SUPT3H: variants seen among roughly 807,000 people sequenced by gnomAD.
SUPT3H encodes the protein SPT3 homolog, SAGA and STAGA complex component.
Under a neutral mutation model 44.3 loss-of-function variants are expected in SUPT3H, and 44 were observed. The ratio of observed to expected loss-of-function variants is 0.99; its 90% CI spans 0.78 to 1.28. SUPT3H has a LOEUF of 1.28. SUPT3H is among the 50% of genes most tolerant of loss of function. The pLI, the probability that SUPT3H is intolerant of heterozygous loss-of-function variation, is 0.00. For missense variants in SUPT3H, 380 were observed against 387.1 expected (o/e 0.98, Z 0.15); for synonymous variants, 124 against 125.6 (o/e 0.99, Z 0.09).
rs1054508805 is a variant in SUPT3H at position 44,851,917 on chromosome 6, C to A, written c.913-22060G>T. Among the ~76,000 whole-genome samples the A allele has an allele frequency of 2.0e-5, 3 of 152,022 alleles. 1 individual carries two copies. Among genetic ancestry groups the A allele is most frequent in the African/African-American group, 4.8e-5 (2 of 41,372 alleles). On this transcript the variant is annotated intron_variant, in intron 10 of 10. Coordinates refer to ENST00000371459, the MANE Select transcript of SUPT3H (RefSeq NM_003599.4). ...ACTTACATCATTTTGACTTGTCAGG[C>A]CTTTTCCAGGAACTTAGTCTGCCAA...
At chr6:45,365,966 T>C (rs1369616040) in intron 1 of SUPT3H, among the ~76,000 whole-genome samples, 1 of 152,108 alleles carries the variant, frequency 6.6e-6, no homozygotes, top group Non-Finnish European at 1.5e-5. Context: ...TGATGCATAA[T>C]GATAAAGTGG....
intron 2 of SUPT3H, among the ~76,000 whole-genome samples, chr6:45,140,799 C>A (rs1436219839): frequency 1.3e-5 from 2 of 152,122 alleles, no homozygotes; most frequent in Non-Finnish European, 2.9e-5. Flanking sequence ...CCCAGAAGAG[C>A]AGTAACAGTC....
chr6:45,325,042 A>T (rs1388514753), intron 2 of SUPT3H, among the ~76,000 whole-genome samples: 6 of 151,954 alleles, frequency 3.9e-5, no homozygotes, highest in African/African-American at 1.4e-4. Flanking sequence ...ATCCAAAAAA[A>T]AGAAAAATTG....
chr6:45,192,082 G>A (rs1271386601), intron 2 of SUPT3H, among the ~76,000 whole-genome samples: 1 of 152,072 alleles, frequency 6.6e-6, no homozygotes. Context: ...ACAGAAATAA[G>A]TTTTTCGTAT....
At chr6:45,214,890 G>A (rs1764782594) in intron 2 of SUPT3H, among the ~76,000 whole-genome samples, 1 of 152,112 alleles carries the variant, frequency 6.6e-6, no homozygotes, top group Non-Finnish European at 1.5e-5. Context: ...ACGACCGAGA[G>A]TCGGCACTCC....
intron 3 of SUPT3H, among the ~76,000 whole-genome samples, chr6:45,084,238 ACC>A (rs531803181): frequency 1.5e-3 from 229 of 152,288 alleles, no homozygotes; most frequent in African/African-American, 5.3e-3. Context: ...ATTCACAAAT[ACC>A]CATGCGACAA....
chr6:44,930,305 C>T (rs370208573), intron 10 of SUPT3H, among the ~76,000 whole-genome samples: 8 of 151,760 alleles, frequency 5.3e-5, no homozygotes, highest in East Asian at 1.9e-4. Flanking sequence ...GGCGTGAATC[C>T]GGGAGGCGGA....
intron 1 of SUPT3H, among the ~76,000 whole-genome samples, chr6:45,370,146 A>G (rs901694316): frequency 2.6e-5 from 4 of 152,232 alleles, no homozygotes; most frequent in African/African-American, 9.6e-5. Context: ...TGCAATCAAG[A>G]AGACCAGTTA....
chr6:45,035,341 G>A (rs1460435388), intron 3 of SUPT3H, among the ~76,000 whole-genome samples: 3 of 152,050 alleles, frequency 2.0e-5, no homozygotes, highest in East Asian at 3.9e-4. Context: ...GAGTGTGTAT[G>A]GACCATATTA....
chr6:44,909,213 A>G (rs1417665682), intron 10 of SUPT3H, among the ~76,000 whole-genome samples: 2 of 151,680 alleles, frequency 1.3e-5, no homozygotes, highest in Non-Finnish European at 2.9e-5. Context: ...ATCATATGCT[A>G]AACTTGCTAT....
chr6:45,355,842 A>G (rs1160522835), intron 2 of SUPT3H, among the ~76,000 whole-genome samples: 1 of 152,168 alleles, frequency 6.6e-6, no homozygotes, highest in Non-Finnish European at 1.5e-5. Context: ...TCCAACCAAA[A>G]AGAATGTTAT....
rs112363324 is a variant in SUPT3H, at chr6:45,277,437, C to T, written c.101+87764G>A. Among the ~76,000 whole-genome samples, 1,360 of 151,932 alleles carry T rather than the reference C, an allele frequency of 9.0e-3. 13 individuals are homozygous for T. The highest frequency in any genetic ancestry group is 0.025 in the South Asian group (120 of 4,810). On this transcript the variant is annotated intron_variant, in intron 2 of 10. Coordinates refer to ENST00000371459, the MANE Select transcript of SUPT3H (RefSeq NM_003599.4). ...AGAAGAAAAGAGAATTTTTTTTGTACCAGTGAAAATAGATGACAATCAGTG... is the reference window on the plus strand; with the variant it reads ...AGAAGAAAAGAGAATTTTTTTTGTATCAGTGAAAATAGATGACAATCAGTG...
intron 3 of SUPT3H, among the ~76,000 whole-genome samples, chr6:45,060,008 T>C (rs1791735032): frequency 6.6e-6 from 1 of 152,036 alleles, no homozygotes; most frequent in African/African-American, 2.4e-5. Context: ...ATCGTGAAAA[T>C]GGCCATAGTA....
chr6:45,288,246 A>T (rs1779634754), intron 2 of SUPT3H, among the ~76,000 whole-genome samples: 1 of 152,076 alleles, frequency 6.6e-6, no homozygotes, highest in Non-Finnish European at 1.5e-5. Context: ...ACTGACAACT[A>T]AAAAGGGCTG....
At chr6:44,848,519 T>C (rs573220427) in intron 10 of SUPT3H, among the ~76,000 whole-genome samples, 13 of 152,344 alleles carry the variant, frequency 8.5e-5, no homozygotes, top group African/African-American at 3.1e-4. Context: ...TAGTTTTAAA[T>C]CTCTGTTGTC....
intron 2 of SUPT3H, among the ~76,000 whole-genome samples, chr6:45,303,347 G>A (rs1301447453): frequency 6.6e-6 from 1 of 152,060 alleles, no homozygotes; most frequent in Non-Finnish European, 1.5e-5. Flanking sequence ...CACAGAGTGG[G>A]AGAAAATCTT....
intron 3 of SUPT3H, among the ~76,000 whole-genome samples, chr6:45,081,935 A>G (rs1795871638): frequency 6.6e-6 from 1 of 152,142 alleles, no homozygotes; most frequent in African/African-American, 2.4e-5. Flanking sequence ...CATTAGTTTT[A>G]TTTCATTTGG....
intron 2 of SUPT3H, among the ~76,000 whole-genome samples, chr6:45,223,648 A>G (rs1393287602): frequency 1.3e-5 from 2 of 151,954 alleles, no homozygotes; most frequent in Non-Finnish European, 2.9e-5. Flanking sequence ...CTTATAACAG[A>G]TAAACTAAAG....
rs1783189422 is a variant in SUPT3H, at chr6:45,009,607, A to G, written c.364+5194T>C. ...TCAAATTCTCTTGAAATCCTTGTCA[A>G]TATCAACTGATCCTAAATGCTCATT... On this transcript the variant is annotated intron_variant, in intron 5 of 10. Transcript: ENST00000371459. 2.6e-5 allele frequency among the ~76,000 whole-genome samples: 4 copies of G among 152,174 alleles called. No homozygotes were observed. The South Asian group carries it at 8.3e-4, about 32-fold the overall frequency.
Sources: allele counts gnomAD v4.1 joint callset (sites outside exome capture counted in the v4.1 genomes callset), GRCh38; gene constraint gnomAD v4.1.1; transcripts MANE v1.5; gene names NCBI Gene and HGNC (gene_info 2026-07-23, HGNC 2026-07-21).